Variants in KCNB2 observed in about 807,000 individuals in gnomAD.
The protein encoded by KCNB2 is potassium voltage-gated channel subfamily B member 2, also known as delayed rectifier potassium channel protein.
A neutral mutation model predicts 61.5 loss-of-function variants in KCNB2; 15 were observed. The observed-to-expected ratio is 0.24, with a 90% CI of 0.16 to 0.38. The LOEUF is 0.38. Ranked by LOEUF, KCNB2 falls within the 10% of genes least tolerant of loss-of-function variation. The probability of loss-of-function intolerance (pLI) is 1.00; values close to 1 mark genes in which losing one functional copy is unlikely to be tolerated. For missense variants in KCNB2, 828 were observed against 1,125.2 expected, an observed-to-expected ratio of 0.74 and a Z score of 3.78; for synonymous variants, 457 against 446.0, an observed-to-expected ratio of 1.02 and a Z score of -0.31.
chr8:72,882,628 G>C (rs748501388), intron 2 of KCNB2, among the ~76,000 whole-genome samples: 16 of 151,446 alleles, frequency 1.1e-4, no homozygotes, highest in Non-Finnish European at 2.1e-4. Context: ...CCAGTCGGTC[G>C]TGGGATTCCA....
intron 1 of KCNB2, among the ~76,000 whole-genome samples, chr8:72,565,520 T>C (rs1465633118): frequency 6.6e-6 from 1 of 152,108 alleles, no homozygotes; most frequent in African/African-American, 2.4e-5. Context: ...AAAAACATTA[T>C]AGGGGAAGAT....
chr8:72,798,399 A>G (rs1163733713), intron 2 of KCNB2, among the ~76,000 whole-genome samples: 1 of 152,140 alleles, frequency 6.6e-6, no homozygotes, highest in African/African-American at 2.4e-5. Flanking sequence ...GGCTCTGTGT[A>G]TATTTCTTAT....
intron 2 of KCNB2, among the ~76,000 whole-genome samples, chr8:72,818,442 C>A (rs374697622): frequency 1.3e-5 from 2 of 152,240 alleles, no homozygotes; most frequent in East Asian, 3.9e-4. Context: ...GATCTGTGAC[C>A]TTGAGACTGT....
chr8:72,705,255 C>G lies in KCNB2; in HGVS notation c.579+136942C>G, dbSNP rs147121793. Among the ~76,000 whole-genome samples the G allele has an allele frequency of 5.1e-3, 782 of 152,320 alleles. 9 individuals carry two copies. The highest frequency in any genetic ancestry group is 0.037 in the Middle Eastern group (11 of 294). On this transcript the variant is annotated intron_variant, in intron 2 of 2. Coordinates refer to ENST00000523207, the MANE Select transcript of KCNB2 (RefSeq NM_004770.3). ...TGATTTGGCTGAAGATTTGTTATCCCTGGAACGTTTTTCTTGAGATGGCCC... is the reference window on the plus strand; with the variant it reads ...TGATTTGGCTGAAGATTTGTTATCCGTGGAACGTTTTTCTTGAGATGGCCC...
In KCNB2 at chr8:72,814,098, C is replaced by T. The variant is rs535569554; in HGVS notation, c.580-121837C>T. Reference sequence around the variant, plus strand: ...TTCAATTCCCTCCTATGAGTGAGAACAAGAGTGCATGCTTTTTTTGTATCT... The same window carrying T: ...TTCAATTCCCTCCTATGAGTGAGAATAAGAGTGCATGCTTTTTTTGTATCT... On this transcript the variant is annotated intron_variant, in intron 2 of 2. Transcript: ENST00000523207. Among the ~76,000 whole-genome samples the T allele has an allele frequency of 3.9e-5, 6 of 152,116 alleles. No homozygotes were observed. In the South Asian group the frequency reaches 1.2e-3, roughly 31 times the overall value.
At chr8:72,767,662 C>T (rs933575711) in intron 2 of KCNB2, among the ~76,000 whole-genome samples, 2 of 152,150 alleles carry the variant, frequency 1.3e-5, no homozygotes, top group African/African-American at 4.8e-5. Context: ...CACATTGAGG[C>T]TATTATGAAT....
intron 2 of KCNB2, among the ~76,000 whole-genome samples, chr8:72,606,270 G>T (rs184111905): frequency 6.6e-6 from 1 of 152,010 alleles, no homozygotes; most frequent in Admixed American, 6.6e-5. Flanking sequence ...CAATTATAGA[G>T]GAATGACTAG....
At position 72,937,267 on chromosome 8, in the gene KCNB2, C is replaced by T. The variant is rs777095320; in HGVS notation, c.1912C>T (p.Pro638Ser). Reference protein sequence around the residue: ...HLQMKFPTDLPGTEEHQRARG... With the variant: ...HLQMKFPTDLSGTEEHQRARG... ...GCAGATGAAGTTCCCAACCGACCTC[C>T]CAGGGACAGAAGAGCACCAAAGAGC... Residue 638 changes from proline to serine, a missense_variant, in exon 3 of 3, where the codon CCA becomes TCA. Pro to Ser is a moderately conservative substitution (Grantham distance 74, BLOSUM62 -1). Transcript: ENST00000523207. The T allele has an allele frequency of 1.1e-5, 18 of 1,613,872 alleles. No homozygotes were observed. Among genetic ancestry groups the T allele is most frequent in the Non-Finnish European group, 1.2e-5 (14 of 1,180,008 alleles).
intron 2 of KCNB2, among the ~76,000 whole-genome samples, chr8:72,696,041 A>G (rs1458971344): frequency 2.0e-5 from 3 of 152,222 alleles, no homozygotes; most frequent in Non-Finnish European, 4.4e-5. Flanking sequence ...GCGATTTAGT[A>G]ACTGGTACTT....
At chr8:72,891,653 C>A (rs1270771645) in intron 2 of KCNB2, among the ~76,000 whole-genome samples, 2 of 152,178 alleles carry the variant, frequency 1.3e-5, no homozygotes, top group African/African-American at 2.4e-5. Flanking sequence ...GAAGAAATTA[C>A]TAAATGGATG....
intron 1 of KCNB2, among the ~76,000 whole-genome samples, chr8:72,539,045 TG>T (rs1455236052): frequency 6.8e-6 from 1 of 147,216 alleles, no homozygotes; most frequent in Non-Finnish European, 1.5e-5. Context: ...AATAAAGTTT[TG>T]TTTTATCTAT....
Position 72,537,463 on chromosome 8 carries a change from T to G in KCNB2, c.-516T>G, listed in dbSNP as rs1806128799. 6.6e-6 allele frequency: 1 copy of G among 152,282 alleles called. No individual in the cohort carries two copies. Among genetic ancestry groups the G allele is most frequent in the East Asian group, 1.9e-4 (1 of 5,140 alleles). The allele number at this position is 152,282 out of a possible 1,614,324, so 9.4% of individuals were successfully genotyped here. A position where few individuals can be genotyped will look rare whatever the true frequency, so the allele number is the denominator to read the frequency against. On this transcript the variant is annotated 5_prime_UTR_variant, in exon 1 of 3. Coordinates refer to ENST00000523207, the MANE Select transcript of KCNB2 (RefSeq NM_004770.3). ...CTGGCGCGGCTCGCTTTCTGGCTCC[T>G]TCCGCGCGGCGAGCTCAGCCCCGCT...
chr8:72,842,608 C>A (rs1481119384), intron 2 of KCNB2, among the ~76,000 whole-genome samples: 1 of 152,172 alleles, frequency 6.6e-6, no homozygotes, highest in African/African-American at 2.4e-5. Context: ...GCTTCAATTT[C>A]AGAGCATGTT....
At chr8:72,847,395 G>A (rs1339914380) in intron 2 of KCNB2, among the ~76,000 whole-genome samples, 2 of 152,174 alleles carry the variant, frequency 1.3e-5, no homozygotes, top group African/African-American at 4.8e-5. Flanking sequence ...GGCCAACCTT[G>A]CAGGCTTTTC....
intron 2 of KCNB2, among the ~76,000 whole-genome samples, chr8:72,596,674 C>G (rs1346142485): frequency 6.6e-6 from 1 of 152,116 alleles, no homozygotes. Flanking sequence ...GATAATTTGT[C>G]TAGTGTTCTA....
chr8:72,708,801 A>G (rs921276282), intron 2 of KCNB2, among the ~76,000 whole-genome samples: 5 of 152,320 alleles, frequency 3.3e-5, no homozygotes, highest in Non-Finnish European at 7.4e-5. Context: ...ATTTTTTCTT[A>G]ATAATGGGAG....
At chr8:72,612,790 C>A (rs1485259873) in intron 2 of KCNB2, among the ~76,000 whole-genome samples, 1 of 152,032 alleles carries the variant, frequency 6.6e-6, no homozygotes, top group Non-Finnish European at 1.5e-5. Context: ...AACTTCTAAG[C>A]TTTTTCAAGT....
intron 1 of KCNB2, among the ~76,000 whole-genome samples, chr8:72,548,539 C>A (rs1806296201): frequency 6.6e-6 from 1 of 152,178 alleles, no homozygotes; most frequent in African/African-American, 2.4e-5. Flanking sequence ...TCTCCATGAC[C>A]ACATGCAAAA....
chr8:72,647,755 A>C (rs1379568720), intron 2 of KCNB2, among the ~76,000 whole-genome samples: 1 of 152,164 alleles, frequency 6.6e-6, no homozygotes, highest in African/African-American at 2.4e-5. Context: ...GTCAGTGTAC[A>C]TACAATTAAG....
Sources: gnomAD v4.1 joint callset for allele counts (sites outside exome capture counted in the v4.1 genomes callset) on GRCh38, gnomAD v4.1.1 for gene constraint, MANE v1.5 for transcripts, NCBI Gene and HGNC (gene_info 2026-07-23, HGNC 2026-07-21) for gene names.